RBM33: variants seen among roughly 807,000 people sequenced by gnomAD.
RBM33 encodes RNA binding motif protein 33.
RBM33 carries 28 observed loss-of-function variants against 132.6 expected under a neutral mutation model. The observed-to-expected ratio is 0.21, with a 90% CI of 0.16 to 0.29. The LOEUF is 0.29. Among genes scored for constraint, RBM33 ranks in the 10% least tolerant of loss-of-function variants. The pLI, the probability that RBM33 is intolerant of heterozygous loss-of-function variation, is 1.00. For synonymous variants in RBM33, 634 were observed against 593.0 expected, an observed-to-expected ratio of 1.07 and a Z score of -1.01; for missense variants, 1,291 against 1,518.5, an observed-to-expected ratio of 0.85 and a Z score of 2.49.
At chr7:155,652,003 G>C (rs1241377372) in intron 1 of RBM33, among the ~76,000 whole-genome samples, 2 of 152,174 alleles carry the variant, frequency 1.3e-5, no homozygotes, top group Non-Finnish European at 2.9e-5. Context: ...TGGCTATTCA[G>C]AACTTACTAG....
chr7:155,677,131 C>T (rs1188504541), intron 3 of RBM33, among the ~76,000 whole-genome samples: 1 of 152,108 alleles, frequency 6.6e-6, no homozygotes, highest in Non-Finnish European at 1.5e-5. Flanking sequence ...CTCTCACTTT[C>T]ATAATGGCAT....
intron 5 of RBM33, among the ~76,000 whole-genome samples, chr7:155,693,695 G>A (rs1273393325): frequency 6.6e-6 from 1 of 151,292 alleles, no homozygotes; most frequent in Non-Finnish European, 1.5e-5. Context: ...CTGGTGATGT[G>A]CTGGTCTTTT....
In RBM33 at chr7:155,774,911, GC is replaced by G. The variant is rs1339099959; in HGVS notation, c.3465-81del. 1.6e-6 allele frequency: 2 copies of G among 1,257,796 alleles called. No homozygotes were observed. Among genetic ancestry groups the G allele is most frequent in the Admixed American group, 3.5e-5 (2 of 57,882 alleles). 77.9% of individuals were successfully genotyped at this position (1,257,796 alleles called of 1,614,324 possible). Reference sequence around the variant, plus strand: ...GTTTTTATTAAACAGGACCCACCGGGCTCTTTTAGTTTCCTCCCACCTTGGT... The same window carrying G: ...GTTTTTATTAAACAGGACCCACCGGGTCTTTTAGTTTCCTCCCACCTTGGT... On this transcript the variant is annotated intron_variant, in intron 17 of 17. Coordinates refer to ENST00000401878, the MANE Select transcript of RBM33 (RefSeq NM_053043.3). This position sits in a 1 kb window ranked among gnomAD's most constrained non-coding sequence, Gnocchi z 4.2.
At chr7:155,715,896 C>T (rs1003755059) in intron 8 of RBM33, among the ~76,000 whole-genome samples, 1 of 152,144 alleles carries the variant, frequency 6.6e-6, no homozygotes, top group African/African-American at 2.4e-5. Context: ...TTTAAAAAAG[C>T]TAGCAATATA....
At chr7:155,662,972 C>T (rs1218632415) in intron 1 of RBM33, among the ~76,000 whole-genome samples, 1 of 152,076 alleles carries the variant, frequency 6.6e-6, no homozygotes, top group Non-Finnish European at 1.5e-5. Context: ...CCCATTAATT[C>T]TTGCTGCCAT....
At chr7:155,741,401 G>T (rs1467676229) in intron 12 of RBM33, among the ~76,000 whole-genome samples, 3 of 152,142 alleles carry the variant, frequency 2.0e-5, no homozygotes, top group African/African-American at 7.2e-5. Context: ...TTCTTTCCTT[G>T]TTCCAGCTTA....
chr7:155,754,743 C>T (rs577135212), intron 14 of RBM33, among the ~76,000 whole-genome samples: 6 of 152,342 alleles, frequency 3.9e-5, no homozygotes, highest in South Asian at 2.1e-4. Flanking sequence ...AACTGTGCCA[C>T]GTTCTCACCA....
At chr7:155,734,581 G>A (rs909145535) in intron 9 of RBM33, among the ~76,000 whole-genome samples, 19 of 151,776 alleles carry the variant, frequency 1.3e-4, no homozygotes, top group African/African-American at 4.6e-4. Context: ...TCTCTTTTTG[G>A]TGTCTCAGTG....
chr7:155,696,000 A>G (rs1289431451), intron 5 of RBM33, among the ~76,000 whole-genome samples: 2 of 152,090 alleles, frequency 1.3e-5, no homozygotes, highest in East Asian at 1.9e-4. Flanking sequence ...GTTCACCACT[A>G]TTTGTTGTAA....
chr7:155,698,251 C>T (rs769888137), intron 5 of RBM33, among the ~76,000 whole-genome samples: 1 of 152,074 alleles, frequency 6.6e-6, no homozygotes, highest in African/African-American at 2.4e-5. Flanking sequence ...CCTGTGATCT[C>T]AGCTACTCGG....
intron 9 of RBM33, among the ~76,000 whole-genome samples, chr7:155,727,350 T>G (rs1800822801): frequency 6.6e-6 from 1 of 152,030 alleles, no homozygotes; most frequent in Non-Finnish European, 1.5e-5. Flanking sequence ...GAATATGTAG[T>G]TTTTAGCTGG....
Position 155,738,206 on chromosome 7 carries a change from A to G in RBM33, c.1540A>G (p.Asn514Asp), listed in dbSNP as rs913529954. The change falls in exon 11 of 18, where the codon AAT becomes GAT. Residue 514 changes from asparagine to aspartate, a missense_variant. Transcript: ENST00000401878. ...ATTCACTCAGCCAGGACCAGCATTT[A>G]ATCAGCAAGGACAGCAGCCAGTGTT... ...LPFTQPGPAF[N>D]QQGQQPVFPR... The G allele has an allele frequency of 6.2e-7, 1 of 1,613,984 alleles. No homozygotes were observed. The highest frequency in any genetic ancestry group is 8.5e-7 in the Non-Finnish European group (1 of 1,179,896).
intron 5 of RBM33, among the ~76,000 whole-genome samples, chr7:155,682,209 C>T (rs955136567): frequency 2.0e-5 from 3 of 152,170 alleles, no homozygotes; most frequent in East Asian, 1.9e-4. Flanking sequence ...GCATGAGCCT[C>T]GGTGCCTGGC....
At position 155,745,195 on chromosome 7, in the gene RBM33, C is replaced by T. The variant is rs1801474375; in HGVS notation, c.2572C>T (p.Leu858=). ...LSPSPTNGNP[L]LPFPGAQVRQ... ...ACCATCACCCACCAACGGTAACCCA[C>T]TGTTGCCCTTTCCAGGTGCACAGGT... The change falls in exon 14 of 18, where the codon CTG becomes TTG. Residue 858 remains leucine (L), a synonymous_variant. Coordinates refer to ENST00000401878, the MANE Select transcript of RBM33 (RefSeq NM_053043.3). This position sits in a 1 kb window ranked among gnomAD's most constrained non-coding sequence, Gnocchi z 4.1. 2 of 1,611,560 alleles carry T rather than the reference C, an allele frequency of 1.2e-6. No homozygotes were observed. The highest frequency in any genetic ancestry group is 2.7e-5 in the African/African-American group (2 of 74,886).
intron 12 of RBM33, among the ~76,000 whole-genome samples, chr7:155,741,573 C>G (rs1381995991): frequency 6.6e-6 from 1 of 152,130 alleles, no homozygotes; most frequent in Non-Finnish European, 1.5e-5. Flanking sequence ...AGAGGAGCCT[C>G]TCTGTAGGCA....
At chr7:155,764,631 G>A (rs1001475556) in intron 15 of RBM33, among the ~76,000 whole-genome samples, 1 of 152,212 alleles carries the variant, frequency 6.6e-6, no homozygotes, top group South Asian at 2.1e-4. Flanking sequence ...GTGACAGAGC[G>A]CCCTTCCCCT....
intron 14 of RBM33, among the ~76,000 whole-genome samples, chr7:155,752,817 G>A (rs1417514591): frequency 1.3e-5 from 2 of 152,214 alleles, no homozygotes; most frequent in South Asian, 2.1e-4. Flanking sequence ...CAAGTGGGTC[G>A]TCTTCTGGGA....
intron 5 of RBM33, among the ~76,000 whole-genome samples, chr7:155,698,114 A>G (rs1290178152): frequency 6.6e-6 from 1 of 152,200 alleles, no homozygotes; most frequent in Non-Finnish European, 1.5e-5. Flanking sequence ...CAGGCCTGTA[A>G]TCCCAGCACT....
In RBM33 at chr7:155,779,436, G is replaced by C. The variant is rs1396730714; in HGVS notation, c.*4395G>C. 1 of 152,128 alleles carries C rather than the reference G, an allele frequency of 6.6e-6. No homozygotes were observed. The highest frequency in any genetic ancestry group is 1.5e-5 in the Non-Finnish European group (1 of 68,034). 9.4% of individuals were successfully genotyped at this position (152,128 alleles called of 1,614,324 possible). A position where few individuals can be genotyped will look rare whatever the true frequency, so the allele number is the denominator to read the frequency against. ...TTTAGTGTATTTAAAGAGCATTTCA[G>C]TTAACTTTTTCAGCTATTTTTAAAG... On this transcript the variant is annotated 3_prime_UTR_variant, in exon 18 of 18. Coordinates refer to ENST00000401878, the MANE Select transcript of RBM33 (RefSeq NM_053043.3).
Sources: gnomAD v4.1 joint callset for allele counts (sites outside exome capture counted in the v4.1 genomes callset) on GRCh38, gnomAD v4.1.1 for gene constraint, Gnocchi (gnomAD v3.1) non-coding constraint, MANE v1.5 for transcripts, NCBI Gene and HGNC (gene_info 2026-07-23, HGNC 2026-07-21) for gene names.